Variants in LRP1B observed in about 807,000 individuals in gnomAD.
LRP1B encodes LDL receptor related protein 1B.
A neutral mutation model predicts 556.6 loss-of-function variants in LRP1B; 217 were observed. The ratio of observed to expected loss-of-function variants is 0.39; its 90% CI spans 0.35 to 0.44. LRP1B has a LOEUF of 0.44. Among genes scored for constraint, LRP1B ranks in the 20% least tolerant of loss-of-function variants. The pLI is 1.00. For synonymous variants in LRP1B, 2,047 were observed against 1,865.8 expected (o/e 1.10, Z -2.50); for missense variants, 5,053 against 5,620.8 (o/e 0.90, Z 3.23).
intron 3 of LRP1B, among the ~76,000 whole-genome samples, chr2:141,289,124 C>T (rs1684804909): frequency 1.3e-5 from 2 of 152,034 alleles, no homozygotes; most frequent in African/African-American, 4.8e-5. Flanking sequence ...TGGCTTAACT[C>T]CTGTAATCCC....
chr2:140,250,889 T>C lies in LRP1B; in HGVS notation c.13248-3727A>G, dbSNP rs555093593. ...ATCATTCAATGTCTTATTGTGAGGA[T>C]GAGAATAATAATATACAAGCCCAGC... is the stretch of plus-strand genomic sequence containing the variant. On this transcript the variant is annotated intron_variant, in intron 86 of 90. Coordinates refer to ENST00000389484, the MANE Select transcript of LRP1B (RefSeq NM_018557.3). Among the ~76,000 whole-genome samples the C allele has an allele frequency of 3.3e-5, 5 of 151,922 alleles. No individual in the cohort carries two copies. The South Asian group carries it at 1.0e-3, about 31-fold the overall frequency.
At chr2:140,384,437 A>T (rs1683671689) in intron 67 of LRP1B, among the ~76,000 whole-genome samples, 1 of 152,196 alleles carries the variant, frequency 6.6e-6, no homozygotes, top group African/African-American at 2.4e-5. Flanking sequence ...ACAGTTTTTA[A>T]AAACTGGTGA....
At chr2:141,434,024 T>TA (rs1239032009) in intron 3 of LRP1B, among the ~76,000 whole-genome samples, 1 of 151,792 alleles carries the variant, frequency 6.6e-6, no homozygotes, top group Admixed American at 6.6e-5. Context: ...GCTTTCAAGA[T>TA]TTTCTATCTT....
At chr2:140,971,011 C>G (rs1321407346) in intron 18 of LRP1B, among the ~76,000 whole-genome samples, 1 of 152,064 alleles carries the variant, frequency 6.6e-6, no homozygotes, top group East Asian at 1.9e-4. Context: ...AATGCCTCAG[C>G]AACATTACAG....
At chr2:140,888,790 C>A (rs1350166392) in intron 23 of LRP1B, among the ~76,000 whole-genome samples, 1 of 151,464 alleles carries the variant, frequency 6.6e-6, no homozygotes, top group Non-Finnish European at 1.5e-5. Flanking sequence ...ATGGTGAAAC[C>A]CCGTCTCTAC....
At chr2:141,024,806 C>T (rs1008907175) in intron 11 of LRP1B, among the ~76,000 whole-genome samples, 12 of 152,014 alleles carry the variant, frequency 7.9e-5, no homozygotes, top group Admixed American at 2.0e-4. Flanking sequence ...CTTCGAAGTC[C>T]GCAGGAGCAA....
At chr2:142,094,633 A>C (rs1276714183) in intron 1 of LRP1B, among the ~76,000 whole-genome samples, 1 of 152,006 alleles carries the variant, frequency 6.6e-6, no homozygotes, top group Non-Finnish European at 1.5e-5. Flanking sequence ...TTGAATTAAT[A>C]AAAGATTCAA....
chr2:141,278,751 C>G (rs889818719), intron 3 of LRP1B, among the ~76,000 whole-genome samples: 3 of 152,196 alleles, frequency 2.0e-5, no homozygotes, highest in African/African-American at 7.2e-5. Context: ...GGAAGACCAA[C>G]AGACTGACTT....
At chr2:142,026,640 C>T (rs544934948) in intron 1 of LRP1B, among the ~76,000 whole-genome samples, 18 of 152,022 alleles carry the variant, frequency 1.2e-4, no homozygotes, top group African/African-American at 2.2e-4. Flanking sequence ...ATTTATGCTA[C>T]GGCCAAACAA....
intron 1 of LRP1B, among the ~76,000 whole-genome samples, chr2:141,868,128 T>G (rs990349963): frequency 2.0e-5 from 3 of 152,090 alleles, no homozygotes; most frequent in Admixed American, 6.6e-5. Context: ...ATACTTCAAT[T>G]TATATATCCC....
At chr2:140,243,258 C>A (rs1216825224) in intron 87 of LRP1B, among the ~76,000 whole-genome samples, 1 of 150,794 alleles carries the variant, frequency 6.6e-6, no homozygotes, top group Non-Finnish European at 1.5e-5. Flanking sequence ...GAGTTGATAA[C>A]TCATGTCAAG....
At chr2:141,875,702 C>T (rs189937807) in intron 1 of LRP1B, among the ~76,000 whole-genome samples, 68 of 152,026 alleles carry the variant, frequency 4.5e-4, no homozygotes, top group Admixed American at 3.6e-3. Context: ...TAAGTTCCCC[C>T]ACAAGGGTAG....
intron 2 of LRP1B, among the ~76,000 whole-genome samples, chr2:141,619,468 T>A (rs1688426381): frequency 6.6e-6 from 1 of 152,166 alleles, no homozygotes; most frequent in Admixed American, 6.5e-5. Flanking sequence ...TGATATTTGA[T>A]TGGATGAAGG....
intron 59 of LRP1B, among the ~76,000 whole-genome samples, chr2:140,483,640 ATTTTTT>A (rs1178469364): frequency 1.6e-4 from 11 of 70,748 alleles, no homozygotes; most frequent in South Asian, 5.2e-4. Flanking sequence ...ATATATATAT[ATTTTTT>A]TTTTTTTTTT....
intron 1 of LRP1B, among the ~76,000 whole-genome samples, chr2:141,979,306 C>T (rs1701979205): frequency 6.6e-6 from 1 of 152,046 alleles, no homozygotes; most frequent in South Asian, 2.1e-4. Context: ...ATGAATACTT[C>T]AAACTTTCCT....
intron 66 of LRP1B, 135 bp downstream of exon 66, chr2:140,442,369 T>G: frequency 8.8e-7 from 1 of 1,130,604 alleles, no homozygotes; most frequent in Middle Eastern, 2.1e-4. Flanking sequence ...TTTATGAATC[T>G]GTGAACACAG....
At chr2:140,916,825 T>C (rs1054287578) in intron 21 of LRP1B, among the ~76,000 whole-genome samples, 25 of 149,430 alleles carry the variant, frequency 1.7e-4, no homozygotes, top group African/African-American at 6.0e-4. Context: ...ATGTTTTTAT[T>C]ATAGAAAGAA....
chr2:141,154,969 T>G (rs1201318358), intron 7 of LRP1B, among the ~76,000 whole-genome samples: 2 of 151,904 alleles, frequency 1.3e-5, no homozygotes, highest in African/African-American at 4.8e-5. Flanking sequence ...AATATTCCTA[T>G]CCTATTATAA....
chr2:141,127,231 G>A (rs565862235), intron 7 of LRP1B, among the ~76,000 whole-genome samples: 44 of 152,182 alleles, frequency 2.9e-4, no homozygotes, highest in Non-Finnish European at 3.5e-4. Flanking sequence ...TTAAAAAGTC[G>A]GGAAACAATA....
Sources: gnomAD v4.1 joint callset for allele counts (sites outside exome capture counted in the v4.1 genomes callset) on GRCh38, gnomAD v4.1.1 for gene constraint, MANE v1.5 for transcripts, NCBI Gene and HGNC (gene_info 2026-07-23, HGNC 2026-07-21) for gene names.